TIMP2: variants seen among roughly 807,000 people sequenced by gnomAD.
The protein encoded by TIMP2 is TIMP metallopeptidase inhibitor 2, also known as metalloproteinase inhibitor 2.
In TIMP2, 5 loss-of-function variants were observed where a neutral mutation model predicts 24.3. The observed-to-expected ratio is 0.21, with a 90% CI of 0.11 to 0.43. The LOEUF (loss-of-function observed/expected upper bound fraction) is 0.43, where lower values mean the gene tolerates loss of function less well. Among genes scored for constraint, TIMP2 ranks in the 20% least tolerant of loss-of-function variants. The pLI, the probability that TIMP2 is intolerant of heterozygous loss-of-function variation, is 1.00. For synonymous variants in TIMP2, 130 were observed against 123.2 expected (o/e 1.06, Z -0.37); for missense variants, 221 against 297.5 (o/e 0.74, Z 1.89).
At chr17:78,918,065 A>ACGCGC (rs1555652947) in intron 1 of TIMP2, among the ~76,000 whole-genome samples, 3 of 144,934 alleles carry the variant, frequency 2.1e-5, no homozygotes, top group Middle Eastern at 3.5e-3. Context: ...TGCACACACA[A>ACGCGC]ACACACACAC....
rs35179698 is a variant in TIMP2, at chr17:78,865,624, CA to C, written c.340+5273del. Among the ~76,000 whole-genome samples the C allele has an allele frequency of 2.7e-3, 315 of 117,682 alleles. 2 individuals carry two copies. The highest frequency in any genetic ancestry group is 8.1e-3 in the African/African-American group (243 of 29,816). The allele number at this position is 117,682 out of a possible 152,430, so 77.2% of individuals were successfully genotyped here. A position where few individuals can be genotyped will look rare whatever the true frequency, so the allele number is the denominator to read the frequency against. On this transcript the variant is annotated intron_variant, in intron 3 of 4. Coordinates refer to ENST00000262768, the MANE Select transcript of TIMP2 (RefSeq NM_003255.5). Reference sequence around the variant, plus strand: ...GGGCAACAAGACAGAAACTCTGTCTCAAAAAAAAAAAAAAAAAATTAGCTGG... The same window carrying C: ...GGGCAACAAGACAGAAACTCTGTCTCAAAAAAAAAAAAAAAAATTAGCTGG...
intron 1 of TIMP2, among the ~76,000 whole-genome samples, chr17:78,886,840 T>G (rs777019043): frequency 6.6e-6 from 1 of 152,072 alleles, no homozygotes; most frequent in African/African-American, 2.4e-5. Context: ...TCATCCCACC[T>G]CAGCCTCCCT....
chr17:78,876,504 T>G (rs2069729283), intron 1 of TIMP2, among the ~76,000 whole-genome samples: 1 of 151,990 alleles, frequency 6.6e-6, no homozygotes, highest in South Asian at 2.1e-4. Context: ...GGCACCACCA[T>G]GCCTGGCTAA....
chr17:78,855,540 T>G lies in TIMP2; in HGVS notation c.*127A>C. ...AAAGGAGAAGGGGGGAGCAGAATCA[T>G]ATTAATTTGGACCCATGGGATGAGT... On this transcript the variant is annotated 3_prime_UTR_variant, in exon 5 of 5. Transcript: ENST00000262768. The surrounding 1 kb of genome is among the most constrained non-coding windows in gnomAD (Gnocchi z 6.0). The G allele has an allele frequency of 9.1e-7, 1 of 1,096,790 alleles. No individual in the cohort carries two copies. The highest frequency in any genetic ancestry group is 1.3e-6 in the Non-Finnish European group (1 of 774,052). The allele number at this position is 1,096,790 out of a possible 1,614,324, so 67.9% of individuals were successfully genotyped here. A position where few individuals can be genotyped will look rare whatever the true frequency, so the allele number is the denominator to read the frequency against.
intron 1 of TIMP2, among the ~76,000 whole-genome samples, chr17:78,885,128 C>A (rs916274258): frequency 6.6e-6 from 1 of 152,242 alleles, no homozygotes; most frequent in Non-Finnish European, 1.5e-5. Flanking sequence ...ACCAACAGGG[C>A]GACCCACGCA....
chr17:78,864,273 T>C (rs1337710568), intron 3 of TIMP2, among the ~76,000 whole-genome samples: 1 of 149,876 alleles, frequency 6.7e-6, no homozygotes, highest in African/African-American at 2.5e-5. Flanking sequence ...CTTCCTTCCT[T>C]CTTCTTCCCT....
At chr17:78,872,587 G>C (rs887171554) in intron 2 of TIMP2, among the ~76,000 whole-genome samples, 6 of 152,144 alleles carry the variant, frequency 3.9e-5, no homozygotes, top group Non-Finnish European at 8.8e-5. Flanking sequence ...GCTTGTACCA[G>C]GAAAGGTTAT....
At chr17:78,895,137 C>T (rs968119469) in intron 1 of TIMP2, among the ~76,000 whole-genome samples, 1 of 151,986 alleles carries the variant, frequency 6.6e-6, no homozygotes, top group Non-Finnish European at 1.5e-5. Flanking sequence ...AAAAATTAGC[C>T]GGGTGTGGTG....
In TIMP2 at chr17:78,891,515, G is replaced by A. The variant is rs527558255; in HGVS notation, c.131-17596C>T. ...CTGCCACTTGTTCTTCTCCCGGAGC[G>A]TGCACTGAGATGCTGGGGACACGGC... On this transcript the variant is annotated intron_variant, in intron 1 of 4. Coordinates refer to ENST00000262768, the MANE Select transcript of TIMP2 (RefSeq NM_003255.5). This position sits in a 1 kb window ranked among gnomAD's most constrained non-coding sequence, Gnocchi z 4.5. The A allele has an allele frequency of 4.7e-5, 73 of 1,551,100 alleles. No homozygotes were observed. Among genetic ancestry groups the A allele is most frequent in the African/African-American group, 2.2e-4 (16 of 73,130 alleles).
chr17:78,880,859 C>T (rs184059730), intron 1 of TIMP2, among the ~76,000 whole-genome samples: 9 of 152,348 alleles, frequency 5.9e-5, no homozygotes, highest in African/African-American at 1.2e-4. Context: ...GCCACTCTGC[C>T]GGGCTCCCAG....
intron 1 of TIMP2, among the ~76,000 whole-genome samples, chr17:78,893,173 ACAT>A (rs2069932218): frequency 1.1e-5 from 1 of 92,278 alleles, no homozygotes; most frequent in African/African-American, 4.6e-5. Context: ...GTGTGTGCAT[ACAT>A]GTGTGTGCAG....
intron 1 of TIMP2, among the ~76,000 whole-genome samples, chr17:78,921,268 TC>T (rs200044409): frequency 0.011 from 1,741 of 152,082 alleles, 31 homozygotes; most frequent in African/African-American, 0.04. Context: ...TAGCAGTTGT[TC>T]CCCCTCTTGG....
intron 1 of TIMP2, among the ~76,000 whole-genome samples, chr17:78,878,012 C>G (rs1351043745): frequency 6.6e-6 from 1 of 152,128 alleles, no homozygotes; most frequent in East Asian, 1.9e-4. Context: ...GGCCTTGGAG[C>G]TGCCTTTCAA....
In TIMP2 at chr17:78,891,274, T is replaced by C; in HGVS notation, c.131-17355A>G. On this transcript the variant is annotated intron_variant, in intron 1 of 4. Transcript: ENST00000262768. The surrounding 1 kb of genome is among the most constrained non-coding windows in gnomAD (Gnocchi z 4.5). Reference sequence around the variant, plus strand: ...ACGCTGCCTGCTGCGCCTCCTCCTCTGCTGGGCTCCTGGGTTCCCCGGCAG... The same window carrying C: ...ACGCTGCCTGCTGCGCCTCCTCCTCCGCTGGGCTCCTGGGTTCCCCGGCAG... 6.4e-7 allele frequency: 1 copy of C among 1,550,640 alleles called. No individual in the cohort carries two copies. Among genetic ancestry groups the C allele is most frequent in the South Asian group, 1.2e-5 (1 of 84,058 alleles).
At chr17:78,863,971 C>A (rs181156120) in intron 3 of TIMP2, among the ~76,000 whole-genome samples, 17 of 152,284 alleles carry the variant, frequency 1.1e-4, no homozygotes, top group East Asian at 9.7e-4. Flanking sequence ...AGGACATTAA[C>A]GAGTCAGGTG....
chr17:78,861,551 C>G (rs951300394), intron 3 of TIMP2, among the ~76,000 whole-genome samples: 4 of 152,086 alleles, frequency 2.6e-5, no homozygotes, highest in African/African-American at 9.7e-5. Context: ...TTCTGGCTTC[C>G]TCAGGAGGTA....
chr17:78,858,304 G>T (rs546891336), intron 3 of TIMP2, among the ~76,000 whole-genome samples: 1 of 151,864 alleles, frequency 6.6e-6, no homozygotes, highest in African/African-American at 2.4e-5. Flanking sequence ...TTAGCCAGGC[G>T]TGCTGGCGGG....
chr17:78,900,763 A>C (rs980384257), intron 1 of TIMP2, among the ~76,000 whole-genome samples: 2 of 152,172 alleles, frequency 1.3e-5, no homozygotes, highest in Non-Finnish European at 2.9e-5. Context: ...AAATCTTACA[A>C]GATAAAAAAA....
chr17:78,874,429 T>G (rs1460359743), intron 1 of TIMP2, among the ~76,000 whole-genome samples: 1 of 152,138 alleles, frequency 6.6e-6, no homozygotes, highest in Non-Finnish European at 1.5e-5. Context: ...GGAAACAAGC[T>G]TTTCTGGGCT....
Sources: allele counts gnomAD v4.1 joint callset (sites outside exome capture counted in the v4.1 genomes callset), GRCh38; gene constraint gnomAD v4.1.1; non-coding constraint Gnocchi (gnomAD v3.1); transcripts MANE v1.5; gene names NCBI Gene and HGNC (gene_info 2026-07-23, HGNC 2026-07-21).